FAM200B: variants seen among roughly 807,000 people sequenced by gnomAD.
FAM200B encodes protein FAM200B.
A neutral mutation model predicts 33.1 loss-of-function variants in FAM200B; 32 were observed. The observed-to-expected ratio is 0.97, with a 90% CI of 0.73 to 1.30. The LOEUF (loss-of-function observed/expected upper bound fraction) is 1.30, where lower values mean the gene tolerates loss of function less well. Ranked by LOEUF, FAM200B falls within the 50% of genes most tolerant of loss-of-function variation. The probability of loss-of-function intolerance (pLI) is 0.00; values close to 1 mark genes in which losing one functional copy is unlikely to be tolerated. For missense variants in FAM200B, 741 were observed against 754.0 expected (o/e 0.98, Z 0.20); for synonymous variants, 240 against 264.8 (o/e 0.91, Z 0.91).
At chr4:15,685,792 T>A (rs1379912414) in intron 1 of FAM200B, among the ~76,000 whole-genome samples, 3 of 152,108 alleles carry the variant, frequency 2.0e-5, no homozygotes, top group African/African-American at 7.2e-5. Flanking sequence ...AAATTTGAGA[T>A]AATTTGATGG....
chr4:15,688,038 A>AC lies in FAM200B; in HGVS notation c.1061_1062insC (p.Ile356TyrfsTer2). Reference sequence around the variant, plus strand: ...TTGAAAAATGCAGTGAAAGTTGTTAATTTTATTAAAGGAAGCTCATTGAAT... The same window carrying AC: ...TTGAAAAATGCAGTGAAAGTTGTTAACTTTTATTAAAGGAAGCTCATTGAAT... On this transcript the variant is annotated frameshift_variant, in exon 2 of 2. Coordinates refer to ENST00000422728, the MANE Select transcript of FAM200B (RefSeq NM_001145191.2). LOFTEE classifies it high-confidence loss of function. 1.3e-6 allele frequency: 2 copies of AC among 1,551,216 alleles called. No homozygotes were observed. The highest frequency in any genetic ancestry group is 1.7e-6 in the Non-Finnish European group (2 of 1,146,740).
the FAM200B span, among the ~76,000 whole-genome samples, chr4:15,639,125 T>C: frequency 6.6e-6 from 1 of 152,150 alleles, no homozygotes; most frequent in African/African-American, 2.4e-5. Flanking sequence ...TATTGCGCCA[T>C]TGCACTCCAG....
At chr4:15,679,569 A>C (rs1025954449), upstream of FAM200B, among the ~76,000 whole-genome samples, 3 of 151,530 alleles carry the variant, frequency 2.0e-5, no homozygotes, top group Non-Finnish European at 4.4e-5. Flanking sequence ...GAACAAAAAA[A>C]AAAAAAAACA....
the FAM200B span, among the ~76,000 whole-genome samples, chr4:15,662,622 C>A: frequency 6.6e-6 from 1 of 152,110 alleles, no homozygotes; most frequent in African/African-American, 2.4e-5. Flanking sequence ...TTCAAGTGAG[C>A]CTCTCGTCAC....
At chr4:15,642,552 A>G in the FAM200B span, among the ~76,000 whole-genome samples, 70 of 152,136 alleles carry the variant, frequency 4.6e-4, no homozygotes, top group Non-Finnish European at 7.6e-4. Context: ...AACTTTTAAA[A>G]TATGAAAATA....
At chr4:15,665,547 A>G in the FAM200B span, among the ~76,000 whole-genome samples, 1 of 152,176 alleles carries the variant, frequency 6.6e-6, no homozygotes, top group East Asian at 1.9e-4. Context: ...ACCCACAGCT[A>G]ATATTCAAAT....
At chr4:15,665,893 G>A in the FAM200B span, among the ~76,000 whole-genome samples, 1 of 152,060 alleles carries the variant, frequency 6.6e-6, no homozygotes, top group African/African-American at 2.4e-5. Flanking sequence ...AAAGGAATCT[G>A]GATCACAAGT....
the FAM200B span, chr4:15,656,387 C>T: frequency 9.2e-6 from 4 of 432,562 alleles, no homozygotes; most frequent in South Asian, 6.4e-5. Context: ...GCCTGAGAAC[C>T]TTGGGAGGAA....
the FAM200B span, chr4:15,644,454 A>C: frequency 5.2e-6 from 8 of 1,529,704 alleles, no homozygotes; most frequent in Non-Finnish European, 5.4e-6. Flanking sequence ...AGAAGATGGC[A>C]CAAGTTTTGA....
the FAM200B span, among the ~76,000 whole-genome samples, chr4:15,647,222 C>CAA: frequency 0.1 from 3,784 of 36,410 alleles, 393 homozygotes; most frequent in African/African-American, 0.13. Context: ...GACTCCATCT[C>CAA]AAAAAAAAAA....
At chr4:15,642,538 T>C in the FAM200B span, among the ~76,000 whole-genome samples, 6 of 152,174 alleles carry the variant, frequency 3.9e-5, no homozygotes, top group Non-Finnish European at 7.3e-5. Context: ...GCCCAGCCTA[T>C]GAAAACTTTT....
At chr4:15,682,611 C>T (rs12640192) in intron 1 of FAM200B, among the ~76,000 whole-genome samples, 43,385 of 152,054 alleles carry the variant, frequency 0.29, 6,411 homozygotes, top group East Asian at 0.46. Flanking sequence ...GTAACTCCAC[C>T]TTATTCATCT....
At chr4:15,667,887 C>G in the FAM200B span, among the ~76,000 whole-genome samples, 1 of 151,828 alleles carries the variant, frequency 6.6e-6, no homozygotes. Context: ...AATAAAAATA[C>G]AAAATTAGCC....
In FAM200B at chr4:15,689,948, C is replaced by T. The variant is rs1719246326; in HGVS notation, c.*997C>T. 1 of 166,918 alleles carries T rather than the reference C, an allele frequency of 6.0e-6. No homozygotes were observed. The highest frequency in any genetic ancestry group is 1.5e-5 in the Non-Finnish European group (1 of 68,096). The allele number at this position is 166,918 out of a possible 1,614,324, so 10.3% of individuals were successfully genotyped here. ...TATATAATTTTTAATTATCTGATTA[C>T]TGTTATTCTTCCATAGTAGGGGAGG... On this transcript the variant is annotated 3_prime_UTR_variant, in exon 2 of 2. Coordinates refer to ENST00000422728, the MANE Select transcript of FAM200B (RefSeq NM_001145191.2).
At chr4:15,653,981 C>T in the FAM200B span, among the ~76,000 whole-genome samples, 1 of 152,238 alleles carries the variant, frequency 6.6e-6, no homozygotes, top group African/African-American at 2.4e-5. Context: ...CTGGTGTTTC[C>T]AACTCATGTG....
At chr4:15,653,415 A>T in the FAM200B span, among the ~76,000 whole-genome samples, 1 of 152,232 alleles carries the variant, frequency 6.6e-6, no homozygotes, top group African/African-American at 2.4e-5. Context: ...TTTTAAAATA[A>T]GGCTGCTTAG....
At chr4:15,661,058 C>T in the FAM200B span, among the ~76,000 whole-genome samples, 3 of 149,712 alleles carry the variant, frequency 2.0e-5, no homozygotes, top group Non-Finnish European at 3.0e-5. Context: ...GCCTGGGTGA[C>T]AGAGCAAGGC....
the FAM200B span, among the ~76,000 whole-genome samples, chr4:15,672,777 ATTT>A: frequency 6.6e-6 from 1 of 152,170 alleles, no homozygotes; most frequent in Non-Finnish European, 1.5e-5. Context: ...TCAACAGTAA[ATTT>A]TTATTTTATA....
the FAM200B span, among the ~76,000 whole-genome samples, chr4:15,653,798 T>G: frequency 6.6e-6 from 1 of 152,244 alleles, no homozygotes; most frequent in Non-Finnish European, 1.5e-5. Flanking sequence ...TTCTCCTAGA[T>G]GAGTGGTTCT....
Sources: gnomAD v4.1 joint callset for allele counts (sites outside exome capture counted in the v4.1 genomes callset) on GRCh38, gnomAD v4.1.1 for gene constraint, MANE v1.5 for transcripts, NCBI Gene and HGNC (gene_info 2026-07-23, HGNC 2026-07-21) for gene names.